Variants in ATP10B observed in about 807,000 individuals in gnomAD.
ATP10B encodes phospholipid-transporting ATPase VB.
In ATP10B, 122 loss-of-function variants were observed where a neutral mutation model predicts 141.2. The observed-to-expected ratio is 0.86, with a 90% CI of 0.75 to 1.00. ATP10B has a LOEUF of 1.00. Among genes scored for constraint, ATP10B ranks in the 50% least tolerant of loss-of-function variants. The probability of loss-of-function intolerance (pLI) is 0.00; values close to 1 mark genes in which losing one functional copy is unlikely to be tolerated. For missense variants in ATP10B, 1,876 were observed against 1,825.3 expected (o/e 1.03, Z -0.51); for synonymous variants, 685 against 692.0 (o/e 0.99, Z 0.16).
intron 1 of ATP10B, among the ~76,000 whole-genome samples, chr5:160,810,891 T>C (rs1773110518): frequency 6.6e-6 from 1 of 152,206 alleles, no homozygotes; most frequent in African/African-American, 2.4e-5. Flanking sequence ...CTTTATCCTA[T>C]TTGGGGTTTG....
At chr5:160,867,780 G>C in the ATP10B span, among the ~76,000 whole-genome samples, 1 of 152,092 alleles carries the variant, frequency 6.6e-6, no homozygotes, top group Non-Finnish European at 1.5e-5. Context: ...TTTAACTGTG[G>C]ATTTGGGAAG....
chr5:160,683,255 GA>G (rs754348919), intron 6 of ATP10B, among the ~76,000 whole-genome samples: 10 of 151,132 alleles, frequency 6.6e-5, no homozygotes, highest in African/African-American at 1.2e-4. Flanking sequence ...GATCTAGCTG[GA>G]AAAAAAAATT....
At position 160,589,612 on chromosome 5, in the gene ATP10B, C is replaced by G. The variant is rs568284123; in HGVS notation, c.3730G>C (p.Ala1244Pro). The G allele has an allele frequency of 6.2e-7, 1 of 1,613,936 alleles. No homozygotes were observed. Among genetic ancestry groups the G allele is most frequent in the Non-Finnish European group, 8.5e-7 (1 of 1,179,926 alleles). Residue 1244 changes from alanine (A) to proline (P), a missense_variant, in exon 24 of 26, where the codon GCA becomes CCA. Physicochemically the swap from Ala to Pro is conservative, Grantham distance 27 (BLOSUM62 -1). Transcript: ENST00000327245. ...CTTACCCATGTCTTCATTTCCATTG[C>G]CTGGTGCAAAAGGATTGTGGTGAGG... Reference protein sequence around the residue: ...ISLTTILLHQAMEMKTWTIFH... With the variant: ...ISLTTILLHQPMEMKTWTIFH...
chr5:160,746,857 G>A (rs1446871467), intron 2 of ATP10B, among the ~76,000 whole-genome samples: 1 of 152,174 alleles, frequency 6.6e-6, no homozygotes, highest in Non-Finnish European at 1.5e-5. Context: ...GCCCAGAGAT[G>A]GGAGGTAAAT....
the ATP10B span, among the ~76,000 whole-genome samples, chr5:160,879,548 A>C: frequency 1.6e-4 from 25 of 151,598 alleles, no homozygotes; most frequent in Admixed American, 7.9e-4. Flanking sequence ...AAAAAAAAAA[A>C]AAAAACCACG....
chr5:160,603,789 A>G, intron 20 of ATP10B, 176 bp downstream of exon 20: 1 of 556,394 alleles, frequency 1.8e-6, no homozygotes. Flanking sequence ...ACACTACGAA[A>G]GTGTACATTT....
At chr5:160,735,638 C>T (rs902336118) in intron 2 of ATP10B, among the ~76,000 whole-genome samples, 11 of 151,894 alleles carry the variant, frequency 7.2e-5, no homozygotes, top group African/African-American at 2.7e-4. Context: ...CATTATAGAC[C>T]AAATGGATCT....
chr5:160,849,498 A>C (rs1327972119), intron 1 of ATP10B, among the ~76,000 whole-genome samples: 1 of 152,156 alleles, frequency 6.6e-6, no homozygotes, highest in Non-Finnish European at 1.5e-5. Flanking sequence ...CGTTTAAGAC[A>C]GTACTTAATA....
chr5:160,827,879 T>C (rs896082450), intron 1 of ATP10B, among the ~76,000 whole-genome samples: 3 of 152,166 alleles, frequency 2.0e-5, no homozygotes, highest in African/African-American at 7.2e-5. Context: ...TTCTCAGGTT[T>C]GTCAAAGGTC....
At chr5:160,879,732 G>A in the ATP10B span, among the ~76,000 whole-genome samples, 1 of 152,026 alleles carries the variant, frequency 6.6e-6, no homozygotes, top group Non-Finnish European at 1.5e-5. Context: ...CAGCTACTTG[G>A]GAGGCTGAGG....
intron 1 of ATP10B, among the ~76,000 whole-genome samples, chr5:160,817,313 C>T (rs1044236252): frequency 2.6e-5 from 4 of 152,168 alleles, no homozygotes; most frequent in African/African-American, 7.2e-5. Context: ...TCTCAGGATA[C>T]AAAATTGATG....
chr5:160,854,878 C>T (rs759054954), upstream of ATP10B, among the ~76,000 whole-genome samples: 42 of 152,110 alleles, frequency 2.8e-4, no homozygotes, highest in South Asian at 2.7e-3. Context: ...AATAGATTGA[C>T]GCAATTATTC....
intron 7 of ATP10B, among the ~76,000 whole-genome samples, chr5:160,668,751 C>A (rs1366274647): frequency 6.6e-6 from 1 of 152,152 alleles, no homozygotes; most frequent in Non-Finnish European, 1.5e-5. Context: ...GTAGCAAACT[C>A]TTTATTCTGT....
chr5:160,790,596 A>G (rs1771499265), intron 1 of ATP10B, among the ~76,000 whole-genome samples: 1 of 152,146 alleles, frequency 6.6e-6, no homozygotes, highest in Admixed American at 6.6e-5. Context: ...TCAGGGCTAT[A>G]TATAAGTATC....
the ATP10B span, among the ~76,000 whole-genome samples, chr5:160,880,047 A>C: frequency 7.8e-4 from 118 of 151,384 alleles, 1 homozygote; most frequent in East Asian, 6.0e-3. Flanking sequence ...TCTAATATAA[A>C]TCTAATAATC....
rs575753190 is a variant in ATP10B, at chr5:160,620,653, C to T, written c.2110G>A (p.Glu704Lys). 4.8e-5 allele frequency: 77 copies of T among 1,613,510 alleles called. No homozygotes were observed. The South Asian group carries it at 7.4e-4, about 15-fold the overall frequency. The change falls in exon 15 of 26, where the codon GAG (glutamate) becomes AAG (lysine). Residue 704 changes from glutamate (E) to lysine (K), a missense_variant. Coordinates refer to ENST00000327245, the MANE Select transcript of ATP10B (RefSeq NM_025153.3). ...GSGTSLEEAL[E>K]APATDLARPE... ...CTGGCCAGGTCTGTGGCTGGGGCCT[C>T]CAATGCCTCCTCCAAGGAAGTGCCT...
the ATP10B span, among the ~76,000 whole-genome samples, chr5:160,879,069 A>G: frequency 9.4e-5 from 7 of 74,086 alleles, no homozygotes; most frequent in African/African-American, 3.8e-4. Context: ...TCATGCTGCT[A>G]TAAAGACACA....
chr5:160,887,956 T>A, the ATP10B span, among the ~76,000 whole-genome samples: 1 of 152,262 alleles, frequency 6.6e-6, no homozygotes, highest in Non-Finnish European at 1.5e-5. Context: ...CAGAGATTTT[T>A]GTCTTTGGTT....
At chr5:160,755,810 GTC>G (rs1768494771) in intron 2 of ATP10B, among the ~76,000 whole-genome samples, 1 of 68,230 alleles carries the variant, frequency 1.5e-5, no homozygotes, top group East Asian at 5.1e-4. Context: ...GCGAGACTCC[GTC>G]TCAAAAAAAA....
Sources: gnomAD v4.1 joint callset for allele counts (sites outside exome capture counted in the v4.1 genomes callset) on GRCh38, gnomAD v4.1.1 for gene constraint, MANE v1.5 for transcripts, NCBI Gene and HGNC (gene_info 2026-07-23, HGNC 2026-07-21) for gene names.